Variants in PDE1C observed in about 807,000 individuals in gnomAD.
The protein encoded by PDE1C is dual specificity calcium/calmodulin-dependent 3',5'-cyclic nucleotide phosphodiesterase 1C.
Under a neutral mutation model 93.1 loss-of-function variants are expected in PDE1C, and 62 were observed. The ratio of observed to expected loss-of-function variants is 0.67; its 90% CI spans 0.54 to 0.82. PDE1C has a LOEUF of 0.82. Ranked by LOEUF, PDE1C falls within the 40% of genes least tolerant of loss-of-function variation. The pLI, the probability that PDE1C is intolerant of heterozygous loss-of-function variation, is 0.00. For synonymous variants in PDE1C, 325 were observed against 310.1 expected (o/e 1.05, Z -0.50); for missense variants, 742 against 884.6 (o/e 0.84, Z 2.04).
chr7:31,878,239 T>C (rs1279024797), intron 4 of PDE1C, among the ~76,000 whole-genome samples: 2 of 152,072 alleles, frequency 1.3e-5, no homozygotes, highest in Non-Finnish European at 2.9e-5. Flanking sequence ...ATCCCAAACA[T>C]ATGAACCATG....
At chr7:31,694,380 T>TCAAACA in the PDE1C span, among the ~76,000 whole-genome samples, 469 of 109,200 alleles carry the variant, frequency 4.3e-3, 8 homozygotes, top group African/African-American at 0.017. Flanking sequence ...TCTCTCTCTC[T>TCAAACA]CTCTCAAACA....
intron 3 of PDE1C, among the ~76,000 whole-genome samples, chr7:32,140,178 C>T (rs1800435107): frequency 6.6e-6 from 1 of 152,120 alleles, no homozygotes; most frequent in African/African-American, 2.4e-5. Flanking sequence ...TCATTTAATC[C>T]TTATGACAAC....
Position 32,147,328 on chromosome 7 carries a change from G to GAAAA in PDE1C, c.308+22456_308+22457insTTTT, listed in dbSNP as rs57517459. On this transcript the variant is annotated intron_variant, in intron 3 of 18. Coordinates refer to the PDE1C transcript ENST00000396193. ...AGAAAGAAAGAAAGAAAGAAAGAAA[G>GAAAA]AAAGACGCTGTTTGTAGGTATGCTT... is the stretch of plus-strand genomic sequence containing the variant. 7.8e-4 allele frequency among the ~76,000 whole-genome samples: 112 copies of GAAAA among 143,098 alleles called. 2 individuals are homozygous for GAAAA. The highest frequency in any genetic ancestry group is 1.3e-3 in the Non-Finnish European group (81 of 64,488). The allele number at this position is 143,098 out of a possible 152,430, so 93.9% of individuals were successfully genotyped here.
chr7:31,639,372 G>A, the PDE1C span, among the ~76,000 whole-genome samples: 14 of 151,370 alleles, frequency 9.2e-5, no homozygotes, highest in Admixed American at 9.2e-4. Flanking sequence ...TCTCTAATCT[G>A]CTATATATAT....
At chr7:31,693,728 A>T in the PDE1C span, among the ~76,000 whole-genome samples, 1 of 152,234 alleles carries the variant, frequency 6.6e-6, no homozygotes, top group African/African-American at 2.4e-5. Flanking sequence ...AAGGTTTAAG[A>T]CATTTAATCC....
At chr7:32,317,862 A>G (rs933854963) in intron 1 of PDE1C, among the ~76,000 whole-genome samples, 3 of 152,192 alleles carry the variant, frequency 2.0e-5, no homozygotes, top group Admixed American at 6.5e-5. Flanking sequence ...CTCAGTAAAT[A>G]TCAGCTGTTG....
intron 3 of PDE1C, among the ~76,000 whole-genome samples, chr7:32,158,686 C>A (rs1403596115): frequency 6.6e-6 from 1 of 152,172 alleles, no homozygotes; most frequent in Non-Finnish European, 1.5e-5. Flanking sequence ...GCCAGGAAAC[C>A]TTCATTTCGA....
At chr7:31,803,357 G>C (rs1043439726) in intron 16 of PDE1C, among the ~76,000 whole-genome samples, 9 of 151,592 alleles carry the variant, frequency 5.9e-5, no homozygotes, top group African/African-American at 2.2e-4. Flanking sequence ...TCTAACATCT[G>C]TTTCAGTTCT....
intron 1 of PDE1C, among the ~76,000 whole-genome samples, chr7:32,310,449 A>AT (rs988758610): frequency 5.9e-5 from 9 of 152,172 alleles, no homozygotes; most frequent in Non-Finnish European, 1.0e-4. Context: ...CAGAATATAC[A>AT]TTTTTTTCAG....
intron 2 of PDE1C, among the ~76,000 whole-genome samples, chr7:32,000,005 C>G (rs1273841134): frequency 6.6e-6 from 1 of 152,126 alleles, no homozygotes; most frequent in Non-Finnish European, 1.5e-5. Flanking sequence ...CTGCCACTAC[C>G]TATGGCACAA....
At chr7:31,763,949 C>A (rs969029549) in intron 17 of PDE1C, among the ~76,000 whole-genome samples, 1 of 149,762 alleles carries the variant, frequency 6.7e-6, no homozygotes, top group African/African-American at 2.4e-5. Context: ...TATTTAAAAT[C>A]TGCATTTGTG....
At chr7:32,070,519 C>T (rs1795918086), upstream of PDE1C, 2 of 1,510,696 alleles carry the variant, frequency 1.3e-6, no homozygotes, top group African/African-American at 1.4e-5. Context: ...TTTCTCGGCG[C>T]GCTCCCCCTT....
In PDE1C at chr7:31,752,662, CA is replaced by C. The variant is rs1037974034; in HGVS notation, c.*721del. On this transcript the variant is annotated 3_prime_UTR_variant, in exon 18 of 18. Transcript: ENST00000396191. Reference sequence around the variant, plus strand: ...GTAAAAGATTAGAGGAAAATGAAGCCAAATGCATCTCTTGCAAACCTTCACA... The same window carrying C: ...GTAAAAGATTAGAGGAAAATGAAGCCAATGCATCTCTTGCAAACCTTCACA... 6.6e-6 allele frequency: 1 copy of C among 152,092 alleles called. No homozygotes were observed. Among genetic ancestry groups the C allele is most frequent in the African/African-American group, 2.4e-5 (1 of 41,420 alleles). 9.4% of individuals were successfully genotyped at this position (152,092 alleles called of 1,614,324 possible).
chr7:31,780,477 A>G (rs1273997998), intron 16 of PDE1C, among the ~76,000 whole-genome samples: 1 of 152,058 alleles, frequency 6.6e-6, no homozygotes, highest in African/African-American at 2.4e-5. Flanking sequence ...CTACTTTGTG[A>G]CTCTGGTTTT....
intron 16 of PDE1C, among the ~76,000 whole-genome samples, chr7:31,780,382 A>C (rs1243368778): frequency 1.3e-5 from 2 of 152,196 alleles, no homozygotes; most frequent in African/African-American, 4.8e-5. Context: ...AGTTTATGGC[A>C]TAATGCTAGG....
the PDE1C span, among the ~76,000 whole-genome samples, chr7:31,663,329 C>A: frequency 1.3e-5 from 2 of 152,136 alleles, no homozygotes; most frequent in Non-Finnish European, 2.9e-5. Flanking sequence ...CTTGCCACCG[C>A]GTTGTAATGC....
intron 2 of PDE1C, among the ~76,000 whole-genome samples, chr7:32,035,072 A>T (rs1790865059): frequency 6.6e-6 from 1 of 152,130 alleles, no homozygotes; most frequent in East Asian, 1.9e-4. Flanking sequence ...CTCTTGGAAA[A>T]GCACCAACAT....
chr7:32,161,884 G>C (rs972785713), intron 3 of PDE1C, among the ~76,000 whole-genome samples: 6 of 152,248 alleles, frequency 3.9e-5, no homozygotes, highest in Non-Finnish European at 7.4e-5. Context: ...ATATGCTGAG[G>C]GGTTGAGGAC....
chr7:31,734,315 CAGAA>C, the PDE1C span, among the ~76,000 whole-genome samples: 1 of 152,094 alleles, frequency 6.6e-6, no homozygotes, highest in Non-Finnish European at 1.5e-5. Flanking sequence ...CCTCTTTCAT[CAGAA>C]AAGGGGCCCC....
Sources: allele counts gnomAD v4.1 joint callset (sites outside exome capture counted in the v4.1 genomes callset), GRCh38; gene constraint gnomAD v4.1.1; transcripts MANE v1.5; gene names NCBI Gene and HGNC (gene_info 2026-07-23, HGNC 2026-07-21).